Variants in STK3 observed in about 807,000 individuals in gnomAD.
STK3 encodes the protein serine/threonine kinase 3.
A neutral mutation model predicts 58.0 loss-of-function variants in STK3; 41 were observed. The ratio of observed to expected loss-of-function variants is 0.71; its 90% CI spans 0.55 to 0.92. The LOEUF is 0.92. Ranked by LOEUF, STK3 falls within the 40% of genes least tolerant of loss-of-function variation. STK3 has a pLI of 0.00. For missense variants in STK3, 479 were observed against 602.7 expected (o/e 0.79, Z 2.15); for synonymous variants, 170 against 191.0 (o/e 0.89, Z 0.91).
intron 1 of STK3, among the ~76,000 whole-genome samples, chr8:98,796,134 A>C (rs1405693361): frequency 6.6e-6 from 1 of 152,208 alleles, no homozygotes; most frequent in Non-Finnish European, 1.5e-5. Context: ...CAAAACTAGA[A>C]AAAAACTATT....
chr8:98,866,022 T>C (rs1156995211), intron 3 of STK3, among the ~76,000 whole-genome samples: 1 of 152,262 alleles, frequency 6.6e-6, no homozygotes, highest in Non-Finnish European at 1.5e-5. Flanking sequence ...CGTTGCTGTA[T>C]GTTGCTGCCT....
intron 6 of STK3, among the ~76,000 whole-genome samples, chr8:98,671,981 G>C (rs1042192924): frequency 2.0e-5 from 3 of 152,226 alleles, no homozygotes; most frequent in African/African-American, 7.2e-5. Flanking sequence ...TCTCTCTCCT[G>C]CCACCCTGTG....
rs1250485734 is a variant in STK3 at position 98,798,396 on chromosome 8, T to C, written c.27-23577A>G. Among the ~76,000 whole-genome samples, 6 of 152,220 alleles carry C rather than the reference T, an allele frequency of 3.9e-5. No individual in the cohort carries two copies. In the East Asian group the frequency reaches 1.2e-3, roughly 29 times the overall value. On this transcript the variant is annotated intron_variant, in intron 1 of 10. Transcript: ENST00000419617. ...AGTTTCATCTGTCTTTGACATATTGTGAATTTTAACACCTCAGAATATCAT... is the reference window on the plus strand; with the variant it reads ...AGTTTCATCTGTCTTTGACATATTGCGAATTTTAACACCTCAGAATATCAT...
chr8:98,478,206 A>G (rs889527139), intron 10 of STK3, among the ~76,000 whole-genome samples: 9 of 152,162 alleles, frequency 5.9e-5, no homozygotes, highest in African/African-American at 2.2e-4. Context: ...AAGAATTCCA[A>G]CCCAAATACT....
intron 4 of STK3, among the ~76,000 whole-genome samples, chr8:98,748,646 G>A (rs1743938082): frequency 6.6e-6 from 1 of 151,810 alleles, no homozygotes; most frequent in African/African-American, 2.4e-5. Flanking sequence ...CATACAAATT[G>A]TCCAAATAAA....
chr8:98,779,736 A>G (rs941597152), intron 1 of STK3, among the ~76,000 whole-genome samples: 4 of 152,156 alleles, frequency 2.6e-5, no homozygotes, highest in Admixed American at 1.3e-4. Context: ...TAAAGCATCA[A>G]TGTTCTTTTT....
At chr8:98,803,612 A>G (rs1263517221) in intron 1 of STK3, among the ~76,000 whole-genome samples, 1 of 148,978 alleles carries the variant, frequency 6.7e-6, no homozygotes, top group Admixed American at 6.6e-5. Context: ...AAAAAAAGAA[A>G]AAAAAAGAAA....
At chr8:98,713,619 A>G (rs1354693138) in intron 4 of STK3, among the ~76,000 whole-genome samples, 1 of 152,232 alleles carries the variant, frequency 6.6e-6, no homozygotes, top group Non-Finnish European at 1.5e-5. Flanking sequence ...AGGCTCTGAA[A>G]TTGAGGCAAT....
intron 3 of STK3, among the ~76,000 whole-genome samples, chr8:98,764,569 C>A (rs138032252): frequency 6.6e-6 from 1 of 152,224 alleles, no homozygotes; most frequent in East Asian, 1.9e-4. Context: ...GATGATGATG[C>A]CTTTGATACA....
chr8:98,643,202 C>T (rs975851393), intron 6 of STK3, among the ~76,000 whole-genome samples: 10 of 152,162 alleles, frequency 6.6e-5, no homozygotes, highest in African/African-American at 2.4e-4. Context: ...GCCCTCCAGC[C>T]TGGGCGACAG....
At chr8:98,559,123 A>G (rs1025096064) in intron 8 of STK3, among the ~76,000 whole-genome samples, 1 of 152,164 alleles carries the variant, frequency 6.6e-6, no homozygotes, top group Non-Finnish European at 1.5e-5. Flanking sequence ...CTTATTAATT[A>G]TTAAATGCAA....
At chr8:98,533,325 T>C (rs569651062) in intron 9 of STK3, among the ~76,000 whole-genome samples, 1 of 152,318 alleles carries the variant, frequency 6.6e-6, no homozygotes, top group Non-Finnish European at 1.5e-5. Flanking sequence ...CCTTTTTTGC[T>C]TTCTAATGGG....
intron 3 of STK3, among the ~76,000 whole-genome samples, chr8:98,867,063 C>T (rs1346051489): frequency 6.6e-6 from 1 of 152,132 alleles, no homozygotes; most frequent in Non-Finnish European, 1.5e-5. Flanking sequence ...ACATCCACTA[C>T]ATTATATTAT....
chr8:98,885,307 G>C (rs1837942783), intron 1 of STK3, among the ~76,000 whole-genome samples: 1 of 152,156 alleles, frequency 6.6e-6, no homozygotes, highest in Admixed American at 6.5e-5. Context: ...TTCAGACCAA[G>C]GACTTGCCAA....
At chr8:98,680,933 T>C (rs1823584582) in intron 6 of STK3, among the ~76,000 whole-genome samples, 1 of 151,970 alleles carries the variant, frequency 6.6e-6, no homozygotes, top group South Asian at 2.1e-4. Context: ...TACATCAGTT[T>C]TAATTAGTCT....
chr8:98,465,000 G>C (rs536857431), intron 10 of STK3, among the ~76,000 whole-genome samples: 2 of 152,276 alleles, frequency 1.3e-5, no homozygotes, highest in East Asian at 3.9e-4. Context: ...AGAGCACCTA[G>C]AAGAAACTTA....
the STK3 span, among the ~76,000 whole-genome samples, chr8:98,357,221 C>T: frequency 6.6e-6 from 1 of 152,124 alleles, no homozygotes; most frequent in South Asian, 2.1e-4. Flanking sequence ...TATAGAGATG[C>T]AAATTGGGTC....
intron 4 of STK3, among the ~76,000 whole-genome samples, chr8:98,736,751 TA>T (rs1255710366): frequency 6.6e-6 from 1 of 152,052 alleles, no homozygotes; most frequent in East Asian, 1.9e-4. Context: ...TAAAACAAAT[TA>T]AAAATTTAGA....
At position 98,502,321 on chromosome 8, in the gene STK3, T is replaced by A. The variant is rs565749285; in HGVS notation, c.1317+24421A>T. 9.8e-5 allele frequency among the ~76,000 whole-genome samples: 15 copies of A among 152,312 alleles called. No homozygotes were observed. In the South Asian group the frequency reaches 3.1e-3, roughly 32 times the overall value. On this transcript the variant is annotated intron_variant, in intron 10 of 10. Transcript: ENST00000419617. ...AGATTTTGGGCTGAGACAATGGGGT[T>A]TTCTAAATATACAATCATGTCGTCT...
Sources: gnomAD v4.1 joint callset for allele counts (sites outside exome capture counted in the v4.1 genomes callset) on GRCh38, gnomAD v4.1.1 for gene constraint, MANE v1.5 for transcripts, NCBI Gene and HGNC (gene_info 2026-07-23, HGNC 2026-07-21) for gene names.